Variants in FAM133B observed in about 807,000 individuals in gnomAD.
The protein encoded by FAM133B is family with sequence similarity 133 member B, also known as protein FAM133B.
In FAM133B, 25 loss-of-function variants were observed where a neutral mutation model predicts 46.4. The observed-to-expected ratio is 0.54, with a 90% confidence interval of 0.39 to 0.75. FAM133B has a LOEUF of 0.75. FAM133B is among the 30% of genes least tolerant of loss of function. The pLI, the probability that FAM133B is intolerant of heterozygous loss-of-function variation, is 0.00. For missense variants in FAM133B, 205 were observed against 277.6 expected, an observed-to-expected ratio of 0.74 and a Z score of 1.86; for synonymous variants, 75 against 86.0, an observed-to-expected ratio of 0.87 and a Z score of 0.71.
chr7:92,577,451 A>G, intron 6 of FAM133B: 2 of 454,662 alleles, frequency 4.4e-6, no homozygotes, highest in Non-Finnish European at 7.6e-6. Context: ...GGTCAACAAA[A>G]CAAATTTTAA....
intron 8 of FAM133B, 113 bp downstream of exon 8, chr7:92,575,658 A>G: frequency 2.0e-6 from 1 of 496,400 alleles, no homozygotes; most frequent in Non-Finnish European, 3.4e-6. Flanking sequence ...GAAACAAAAT[A>G]TTACAAAAAC....
intron 10 of FAM133B, among the ~76,000 whole-genome samples, chr7:92,563,006 A>G (rs757401975): frequency 5.9e-5 from 9 of 152,230 alleles, no homozygotes; most frequent in Non-Finnish European, 1.3e-4. Context: ...CTGTGAGTGG[A>G]TTGAAGGGAG....
intron 9 of FAM133B, among the ~76,000 whole-genome samples, chr7:92,567,495 A>G (rs935459218): frequency 6.6e-6 from 1 of 152,208 alleles, no homozygotes; most frequent in Non-Finnish European, 1.5e-5. Flanking sequence ...TAAAAAAAAT[A>G]TAACACATTA....
At position 92,566,084 on chromosome 7, in the gene FAM133B, G is replaced by A. The variant is rs749705254; in HGVS notation, c.610-23C>T. On this transcript the variant is annotated intron_variant, in intron 9 of 10. Coordinates refer to ENST00000445716, the MANE Select transcript of FAM133B (RefSeq NM_152789.4). ...CACCTAGAAAGTTTAAATTTTTGTG[G>A]AGAACAGAAGACAAACATGTAATTT... 8.7e-6 allele frequency: 14 copies of A among 1,610,824 alleles called. No homozygotes were observed. In the Admixed American group the frequency reaches 2.3e-4, roughly 27 times the overall value.
intron 8 of FAM133B, among the ~76,000 whole-genome samples, chr7:92,575,026 T>C (rs909951104): frequency 6.6e-6 from 1 of 152,198 alleles, no homozygotes; most frequent in Non-Finnish European, 1.5e-5. Flanking sequence ...CAATTTTAAA[T>C]GTAAACCAGA....
intron 1 of FAM133B, among the ~76,000 whole-genome samples, chr7:92,588,918 G>A (rs1402925004): frequency 6.6e-6 from 1 of 152,082 alleles, no homozygotes; most frequent in Non-Finnish European, 1.5e-5. Flanking sequence ...AGCAGATGCC[G>A]CTAAGCTTCC....
At chr7:92,576,911 A>T (rs957866942) in intron 7 of FAM133B, among the ~76,000 whole-genome samples, 192 bp downstream of exon 7, 1 of 151,960 alleles carries the variant, frequency 6.6e-6, no homozygotes, top group African/African-American at 2.4e-5. Flanking sequence ...AGACATGGAG[A>T]TATATATATA....
intron 1 of FAM133B, among the ~76,000 whole-genome samples, chr7:92,584,787 G>A (rs1182222372): frequency 6.6e-6 from 1 of 152,204 alleles, no homozygotes; most frequent in Non-Finnish European, 1.5e-5. Flanking sequence ...GTGCAGCTTA[G>A]TTCACCGTTT....
At chr7:92,580,483 TG>T (rs1794835946) in intron 2 of FAM133B, among the ~76,000 whole-genome samples, 1 of 152,184 alleles carries the variant, frequency 6.6e-6, no homozygotes, top group African/African-American at 2.4e-5. Flanking sequence ...GAGCTTCAAT[TG>T]GTTGCCAAAA....
intron 1 of FAM133B, among the ~76,000 whole-genome samples, chr7:92,586,191 T>C (rs1795033400): frequency 6.6e-6 from 1 of 152,204 alleles, no homozygotes; most frequent in African/African-American, 2.4e-5. Flanking sequence ...AGGCTTACTT[T>C]TAAGCTTTTG....
At chr7:92,578,069 A>G (rs1794754447) in intron 5 of FAM133B, 81 bp downstream of exon 5, 1 of 1,244,670 alleles carries the variant, frequency 8.0e-7, no homozygotes, top group Non-Finnish European at 1.2e-6. Context: ...TACCTTTAGC[A>G]TACAGGTTAA....
chr7:92,564,417 A>G lies in FAM133B; in HGVS notation c.657+1597T>C, dbSNP rs141306594. On this transcript the variant is annotated intron_variant, in intron 10 of 10. Transcript: ENST00000445716. ...TGCTTCATACATACACACTAGCTGA[A>G]AGCATGAAACAGTGAAAGTATGCAA... Among the ~76,000 whole-genome samples, 227 of 152,332 alleles carry G rather than the reference A, an allele frequency of 1.5e-3. 1 individual carries two copies. Among genetic ancestry groups the G allele is most frequent in the African/African-American group, 5.1e-3 (212 of 41,572 alleles).
chr7:92,578,936 C>T (rs916363296), intron 3 of FAM133B, among the ~76,000 whole-genome samples: 6 of 152,106 alleles, frequency 3.9e-5, no homozygotes, highest in South Asian at 2.1e-4. Flanking sequence ...GTGGTCCCAG[C>T]TGCTCAGGAG....
At chr7:92,562,685 A>C (rs551939521) in intron 10 of FAM133B, among the ~76,000 whole-genome samples, 1 of 152,288 alleles carries the variant, frequency 6.6e-6, no homozygotes, top group East Asian at 1.9e-4. Context: ...ATAACTTCTA[A>C]AGGTAAAGTA....
At chr7:92,577,539 T>C (rs1281217611) in intron 6 of FAM133B, 116 bp downstream of exon 6, 2 of 796,398 alleles carry the variant, frequency 2.5e-6, no homozygotes, top group South Asian at 2.7e-5. Context: ...AAGTTATGGA[T>C]AATTAATCAA....
intron 8 of FAM133B, among the ~76,000 whole-genome samples, chr7:92,570,926 A>G (rs1794509153): frequency 6.6e-6 from 1 of 152,208 alleles, no homozygotes; most frequent in African/African-American, 2.4e-5. Context: ...GTGTATGTTT[A>G]CAATATTACA....
At chr7:92,567,833 G>C (rs1351082757) in intron 9 of FAM133B, among the ~76,000 whole-genome samples, 1 of 150,902 alleles carries the variant, frequency 6.6e-6, no homozygotes, top group Non-Finnish European at 1.5e-5. Flanking sequence ...GTGTGATCTC[G>C]GCTCACTGCA....
chr7:92,575,787 C>T lies in FAM133B; in HGVS notation c.500G>A (p.Gly167Glu). 7.2e-7 allele frequency: 1 copy of T among 1,379,628 alleles called. No individual in the cohort carries two copies. The allele number at this position is 1,379,628 out of a possible 1,614,324, so 85.5% of individuals were successfully genotyped here. A position where few individuals can be genotyped will look rare whatever the true frequency, so the allele number is the denominator to read the frequency against. ...SLKKKKKSKD[G>E]TEKEKDIKGL... Reference sequence around the variant, plus strand: ...TATAGTTACCTTTTCTTTCTCAGTTCCATCTTTTGACTTCTTTTTCTTTTT... The same window carrying T: ...TATAGTTACCTTTTCTTTCTCAGTTTCATCTTTTGACTTCTTTTTCTTTTT... The change falls in exon 8 of 11, where the codon GGA (glycine) becomes GAA (glutamate). Residue 167 changes from glycine (G) to glutamate (E), a missense_variant. Transcript: ENST00000445716.
At chr7:92,584,156 C>T (rs1186620461) in intron 1 of FAM133B, among the ~76,000 whole-genome samples, 1 of 151,890 alleles carries the variant, frequency 6.6e-6, no homozygotes, top group Non-Finnish European at 1.5e-5. Context: ...GAAAAATCCC[C>T]CTACCTCAGC....
Sources: gnomAD v4.1 joint callset for allele counts (sites outside exome capture counted in the v4.1 genomes callset) on GRCh38, gnomAD v4.1.1 for gene constraint, MANE v1.5 for transcripts, NCBI Gene and HGNC (gene_info 2026-07-23, HGNC 2026-07-21) for gene names.